Variants in FRYL observed in about 807,000 individuals in gnomAD.
The protein encoded by FRYL is FRY like transcription coactivator.
In FRYL, 150 loss-of-function variants were observed where a neutral mutation model predicts 351.2. That is an observed-to-expected ratio of 0.43 (90% CI 0.37 to 0.49). FRYL has a LOEUF of 0.49. FRYL is among the 20% of genes least tolerant of loss of function. The pLI is 0.00. For missense variants in FRYL, 3,036 were observed against 3,619.3 expected, an observed-to-expected ratio of 0.84 and a Z score of 4.13; for synonymous variants, 1,153 against 1,257.1, an observed-to-expected ratio of 0.92 and a Z score of 1.75.
At chr4:48,550,460 G>A (rs1732459125) in intron 38 of FRYL, 132 bp downstream of exon 38, 1 of 606,606 alleles carries the variant, frequency 1.6e-6, no homozygotes, top group African/African-American at 1.8e-5. Flanking sequence ...AGATTATGTT[G>A]GAACACCACT....
intron 2 of FRYL, among the ~76,000 whole-genome samples, chr4:48,687,980 T>C (rs1765329174): frequency 6.6e-6 from 1 of 152,192 alleles, no homozygotes; most frequent in Non-Finnish European, 1.5e-5. Flanking sequence ...TTAACATTCT[T>C]ACAGAATGTT....
intron 3 of FRYL, among the ~76,000 whole-genome samples, chr4:48,655,955 ACATTATATATAATGTG>A (rs1426039197): frequency 2.9e-5 from 4 of 139,244 alleles, no homozygotes; most frequent in Non-Finnish European, 6.0e-5. Context: ...AATTATATGT[ACATTATATATAATGTG>A]CATTATATAT....
At chr4:48,646,106 G>A (rs192932932) in intron 3 of FRYL, 6 of 152,280 alleles carry the variant, frequency 3.9e-5, no homozygotes, top group South Asian at 2.1e-4. Context: ...TGTATCAAAT[G>A]TAAGTCTGTA....
At chr4:48,752,297 C>T (rs114746987) in intron 1 of FRYL, among the ~76,000 whole-genome samples, 161 of 152,288 alleles carry the variant, frequency 1.1e-3, no homozygotes, top group African/African-American at 3.5e-3. Context: ...TATCTTATAA[C>T]TAAGAAAGGT....
intron 1 of FRYL, among the ~76,000 whole-genome samples, chr4:48,748,691 G>C (rs1560350415): frequency 6.6e-6 from 1 of 152,244 alleles, no homozygotes; most frequent in African/African-American, 2.4e-5. Flanking sequence ...GTCCTGGGCA[G>C]TTGAGATGTA....
intron 2 of FRYL, among the ~76,000 whole-genome samples, chr4:48,705,225 C>T (rs1199579187): frequency 2.0e-5 from 3 of 151,538 alleles, no homozygotes; most frequent in African/African-American, 4.9e-5. Context: ...TTTATATATC[C>T]GCAAGGTTAT....
At chr4:48,753,691 A>T (rs1773480164) in intron 1 of FRYL, among the ~76,000 whole-genome samples, 1 of 152,128 alleles carries the variant, frequency 6.6e-6, no homozygotes, top group Non-Finnish European at 1.5e-5. Flanking sequence ...TTGGTGTCTT[A>T]TTTAAGAAAG....
rs1246108233 is a variant in FRYL, at chr4:48,681,070, T to C, written c.-81+3603A>G. On this transcript the variant is annotated intron_variant, in intron 3 of 63. Transcript: ENST00000358350. ...TGGGGAACTTTCCTCAGTACTAGTATCCAAAACCACATCTCCCGAAAGAAT... is the reference window on the plus strand; with the variant it reads ...TGGGGAACTTTCCTCAGTACTAGTACCCAAAACCACATCTCCCGAAAGAAT... 4.7e-6 allele frequency: 6 copies of C among 1,278,012 alleles called. No homozygotes were observed. In the South Asian group the frequency reaches 7.6e-5, roughly 16 times the overall value. 79.2% of individuals were successfully genotyped at this position (1,278,012 alleles called of 1,614,324 possible).
chr4:48,722,437 T>C (rs1475301311), intron 1 of FRYL, among the ~76,000 whole-genome samples: 1 of 152,212 alleles, frequency 6.6e-6, no homozygotes, highest in Non-Finnish European at 1.5e-5. Context: ...ACTACTGACT[T>C]TCTCAAGCTA....
intron 58 of FRYL, among the ~76,000 whole-genome samples, chr4:48,510,453 A>C (rs2148763371): frequency 6.6e-6 from 1 of 152,324 alleles, no homozygotes; most frequent in Admixed American, 6.5e-5. Context: ...TTCTTTAAAT[A>C]TCTTAATATA....
At chr4:48,735,971 T>TAAAAAAAAAA (rs71191254) in intron 1 of FRYL, among the ~76,000 whole-genome samples, 1 of 100,732 alleles carries the variant, frequency 9.9e-6, no homozygotes, top group African/African-American at 3.6e-5. Context: ...TAGAGTATAA[T>TAAAAAAAAAA]AAAAAAAAAA....
intron 47 of FRYL, 121 bp downstream of exon 47, chr4:48,539,850 A>T: frequency 1.5e-6 from 1 of 683,356 alleles, no homozygotes; most frequent in Non-Finnish European, 2.4e-6. Flanking sequence ...ATAAAAATTT[A>T]AATGCAAAAT....
rs548499872 is a variant in FRYL at position 48,551,824 on chromosome 4, G to C, written c.4436-246C>G. Among the ~76,000 whole-genome samples the C allele has an allele frequency of 5.9e-5, 9 of 152,252 alleles. No homozygotes were observed. In the East Asian group the frequency reaches 1.7e-3, roughly 29 times the overall value. ...AAGGCTGAATCCAAAGGTGGTGGTGGGTGAAAACCAAGAAGCTTCCATGTT... is the reference window on the plus strand; with the variant it reads ...AAGGCTGAATCCAAAGGTGGTGGTGCGTGAAAACCAAGAAGCTTCCATGTT... On this transcript the variant is annotated intron_variant, in intron 36 of 63. Transcript: ENST00000358350.
intron 1 of FRYL, among the ~76,000 whole-genome samples, chr4:48,777,697 C>A (rs530268494): frequency 1.3e-5 from 2 of 152,256 alleles, no homozygotes; most frequent in South Asian, 4.1e-4. Flanking sequence ...TTGAGAAATT[C>A]TTTTATTGTT....
chr4:48,737,067 G>A (rs1448268192), intron 1 of FRYL, among the ~76,000 whole-genome samples: 1 of 151,502 alleles, frequency 6.6e-6, no homozygotes, highest in Non-Finnish European at 1.5e-5. Context: ...ATCATCTGAG[G>A]TCAGGAGTTT....
chr4:48,738,019 T>C (rs1156731906), intron 1 of FRYL, among the ~76,000 whole-genome samples: 1 of 152,174 alleles, frequency 6.6e-6, no homozygotes, highest in Non-Finnish European at 1.5e-5. Context: ...GGTGAGAAAC[T>C]AGGAGCTTTC....
At position 48,512,586 on chromosome 4, in the gene FRYL, A is replaced by G. The variant is rs1375949107; in HGVS notation, c.8040T>C (p.Tyr2680=). Residue 2680 remains tyrosine, a synonymous_variant, in exon 57 of 64, where the codon TAT becomes TAC. Transcript: ENST00000358350. ...AIIAAFQPVA[Y]DDEEEAWRCH... is the part of the protein sequence containing the mutation. ...AGCGCCAGGCTTCCTCTTCATCATC[A>G]TATGCCACGGGCTGAAAGGCGGCTA... 3.1e-6 allele frequency: 5 copies of G among 1,614,030 alleles called. No homozygotes were observed. Among genetic ancestry groups the G allele is most frequent in the Non-Finnish European group, 3.4e-6 (4 of 1,179,942 alleles).
At chr4:48,658,172 G>A (rs796536752) in intron 3 of FRYL, among the ~76,000 whole-genome samples, 43 of 152,216 alleles carry the variant, frequency 2.8e-4, no homozygotes, top group African/African-American at 9.9e-4. Context: ...TGCAATTGAT[G>A]AGAATTAAAT....
chr4:48,749,900 A>G (rs1190634424), intron 1 of FRYL, among the ~76,000 whole-genome samples: 1 of 152,162 alleles, frequency 6.6e-6, no homozygotes, highest in Non-Finnish European at 1.5e-5. Context: ...TGGGAGGTCA[A>G]AGCAGGAGGA....
Sources: allele counts gnomAD v4.1 joint callset (sites outside exome capture counted in the v4.1 genomes callset), GRCh38; gene constraint gnomAD v4.1.1; transcripts MANE v1.5; gene names NCBI Gene and HGNC (gene_info 2026-07-23, HGNC 2026-07-21).